The following CNTNAP2 variants were observed in gnomAD, a reference collection of about 807,000 sequenced individuals.
The protein encoded by CNTNAP2 is contactin associated protein 2.
CNTNAP2 carries 98 observed loss-of-function variants against 155.2 expected under a neutral mutation model. The ratio of observed to expected loss-of-function variants is 0.63; its 90% CI spans 0.54 to 0.75. The LOEUF is 0.75. Among genes scored for constraint, CNTNAP2 ranks in the 30% least tolerant of loss-of-function variants. The pLI, the probability that CNTNAP2 is intolerant of heterozygous loss-of-function variation, is 0.00. For synonymous variants in CNTNAP2, 651 were observed against 631.2 expected, an observed-to-expected ratio of 1.03 and a Z score of -0.47; for missense variants, 1,727 against 1,688.1, an observed-to-expected ratio of 1.02 and a Z score of -0.40.
At chr7:147,587,773 C>G (rs1047896985) in intron 12 of CNTNAP2, among the ~76,000 whole-genome samples, 10 of 152,084 alleles carry the variant, frequency 6.6e-5, no homozygotes, top group Non-Finnish European at 1.5e-4. Context: ...AGAGAGAACT[C>G]AATATATTTG....
At chr7:146,197,557 G>A (rs997568082) in intron 1 of CNTNAP2, among the ~76,000 whole-genome samples, 11 of 152,086 alleles carry the variant, frequency 7.2e-5, no homozygotes, top group African/African-American at 1.7e-4. Flanking sequence ...AAAGCTTGCA[G>A]GTTTAATTAC....
intron 16 of CNTNAP2, among the ~76,000 whole-genome samples, chr7:148,131,849 T>TA (rs566939363): frequency 4.0e-4 from 59 of 146,366 alleles, no homozygotes; most frequent in East Asian, 2.8e-3. Flanking sequence ...AAGCTGGCTT[T>TA]AAAAAAAAAA....
intron 10 of CNTNAP2, among the ~76,000 whole-genome samples, chr7:147,432,083 T>C (rs1288772433): frequency 1.3e-5 from 2 of 152,188 alleles, no homozygotes; most frequent in Non-Finnish European, 2.9e-5. Context: ...CAAATATCTA[T>C]CTTGTGCATT....
At chr7:146,718,608 A>G (rs1182859484) in intron 1 of CNTNAP2, among the ~76,000 whole-genome samples, 2 of 152,172 alleles carry the variant, frequency 1.3e-5, no homozygotes, top group Non-Finnish European at 2.9e-5. Context: ...AGGAGCAATA[A>G]ATAATTTTGA....
At chr7:147,266,058 C>T (rs1000492179) in intron 8 of CNTNAP2, among the ~76,000 whole-genome samples, 8 of 152,282 alleles carry the variant, frequency 5.3e-5, no homozygotes, top group South Asian at 2.1e-4. Context: ...AAATGCTGAA[C>T]ACTCAAAAGG....
At chr7:147,618,286 T>C (rs1057267852) in intron 12 of CNTNAP2, among the ~76,000 whole-genome samples, 1 of 152,194 alleles carries the variant, frequency 6.6e-6, no homozygotes, top group African/African-American at 2.4e-5. Flanking sequence ...ATAAGGCAGC[T>C]AAGGAATTCA....
chr7:146,149,837 G>A (rs1192431860), intron 1 of CNTNAP2, among the ~76,000 whole-genome samples: 2 of 145,844 alleles, frequency 1.4e-5, no homozygotes, highest in Non-Finnish European at 1.5e-5. Flanking sequence ...CCTGAGCTAG[G>A]CAAAGATTTC....
At chr7:148,050,371 GT>G (rs1299350011) in intron 15 of CNTNAP2, among the ~76,000 whole-genome samples, 1 of 152,046 alleles carries the variant, frequency 6.6e-6, no homozygotes, top group African/African-American at 2.4e-5. Context: ...TTGTGTCTTA[GT>G]TTTTACAACA....
intron 2 of CNTNAP2, among the ~76,000 whole-genome samples, chr7:146,825,494 T>A (rs1248135899): frequency 6.6e-6 from 1 of 152,160 alleles, no homozygotes; most frequent in Non-Finnish European, 1.5e-5. Flanking sequence ...TTGAGTTAGA[T>A]CTTAAAGAAT....
chr7:148,031,790 G>T (rs146194426), intron 15 of CNTNAP2, among the ~76,000 whole-genome samples: 1 of 152,092 alleles, frequency 6.6e-6, no homozygotes, highest in South Asian at 2.1e-4. Flanking sequence ...GCTGCACTCG[G>T]TCTCTCTGAA....
At chr7:147,579,578 G>A (rs1014085817) in intron 12 of CNTNAP2, among the ~76,000 whole-genome samples, 1 of 152,124 alleles carries the variant, frequency 6.6e-6, no homozygotes, top group African/African-American at 2.4e-5. Flanking sequence ...ATTACCTTAA[G>A]AAAGCAATTC....
chr7:147,051,839 A>G (rs569148655), intron 4 of CNTNAP2, among the ~76,000 whole-genome samples: 2 of 152,292 alleles, frequency 1.3e-5, no homozygotes, highest in African/African-American at 2.4e-5. Context: ...AAATCTGACC[A>G]TATTACATCT....
intron 1 of CNTNAP2, among the ~76,000 whole-genome samples, chr7:146,197,903 G>T (rs2116861898): frequency 6.6e-6 from 1 of 152,208 alleles, no homozygotes; most frequent in East Asian, 1.9e-4. Flanking sequence ...TCACAGTTCT[G>T]CATGGCTGGG....
intron 1 of CNTNAP2, among the ~76,000 whole-genome samples, chr7:146,714,156 A>G (rs965409199): frequency 6.6e-6 from 1 of 152,166 alleles, no homozygotes; most frequent in Non-Finnish European, 1.5e-5. Flanking sequence ...ACGCATGATC[A>G]TGGCTATTCA....
Position 147,256,046 on chromosome 7 carries a change from T to A in CNTNAP2, c.1349-44095T>A, listed in dbSNP as rs116668949. ...GTAAGCCACCACAGCTAGCCCATAT[T>A]TTAGTAAGGAAAATGATGGGTGGCA... On this transcript the variant is annotated intron_variant, in intron 8 of 23. Coordinates refer to ENST00000361727, the MANE Select transcript of CNTNAP2 (RefSeq NM_014141.6). Among the ~76,000 whole-genome samples the A allele has an allele frequency of 8.5e-3, 1,300 of 152,252 alleles. 16 individuals are homozygous for A. The highest frequency in any genetic ancestry group is 0.029 in the African/African-American group (1,219 of 41,540).
chr7:146,527,121 C>A (rs2129138385), intron 1 of CNTNAP2, among the ~76,000 whole-genome samples: 1 of 152,116 alleles, frequency 6.6e-6, no homozygotes, highest in Non-Finnish European at 1.5e-5. Context: ...CTCTTCTTTA[C>A]AAAATATGTA....
At chr7:147,114,124 T>G (rs1030130553) in intron 5 of CNTNAP2, among the ~76,000 whole-genome samples, 1 of 152,190 alleles carries the variant, frequency 6.6e-6, no homozygotes, top group Non-Finnish European at 1.5e-5. Flanking sequence ...TTGTGTCGTT[T>G]TGAGAGAATT....
intron 13 of CNTNAP2, among the ~76,000 whole-genome samples, chr7:147,829,559 C>G (rs1798516003): frequency 6.6e-6 from 1 of 152,106 alleles, no homozygotes; most frequent in Admixed American, 6.6e-5. Context: ...AGGCATTTTT[C>G]CGATATCACA....
intron 1 of CNTNAP2, among the ~76,000 whole-genome samples, chr7:146,416,710 T>C (rs1433983276): frequency 2.0e-5 from 3 of 152,144 alleles, no homozygotes; most frequent in Admixed American, 6.6e-5. Context: ...CTAATTGTGG[T>C]TAACTCTGCT....
Sources: allele counts gnomAD v4.1 joint callset (sites outside exome capture counted in the v4.1 genomes callset), GRCh38; gene constraint gnomAD v4.1.1; transcripts MANE v1.5; gene names NCBI Gene and HGNC (gene_info 2026-07-23, HGNC 2026-07-21).